Variants in GINS1 observed in about 807,000 individuals in gnomAD.
The protein encoded by GINS1 is DNA replication complex GINS protein PSF1.
A neutral mutation model predicts 34.9 loss-of-function variants in GINS1; 26 were observed. That is an observed-to-expected ratio of 0.74 (90% CI 0.55 to 1.03). GINS1 has a LOEUF of 1.03. Ranked by LOEUF, GINS1 falls within the 50% of genes least tolerant of loss-of-function variation. The pLI is 0.00. For missense variants in GINS1, 235 were observed against 237.9 expected (o/e 0.99, Z 0.08); for synonymous variants, 97 against 84.4 (o/e 1.15, Z -0.82).
rs757877116 is a variant in GINS1, at chr20:25,418,173, G to A, written c.308G>A (p.Arg103Gln). The change falls in exon 4 of 7, where the codon CGA (arginine) becomes CAA (glutamine). Residue 103 changes from arginine to glutamine, a missense_variant. Physicochemically the swap from Arg to Gln is conservative, Grantham distance 43 (BLOSUM62 1). Coordinates refer to ENST00000262460, the MANE Select transcript of GINS1 (RefSeq NM_021067.5). ...EYGSVLPNAL[R>Q]FHMAAEEMEW... is the part of the protein sequence containing the mutation. The stretch of plus-strand genomic sequence containing the variant: ...GGTAGCGTCTTGCCAAATGCATTAC[G>A]ATTTCACATGGCTGCTGAAGAAGTG... 32 of 1,585,258 alleles carry A rather than the reference G, an allele frequency of 2.0e-5. No individual in the cohort carries two copies. The East Asian group carries it at 2.7e-4, about 13-fold the overall frequency.
chr20:25,414,701 T>G (rs1156463995), intron 2 of GINS1, among the ~76,000 whole-genome samples: 1 of 152,106 alleles, frequency 6.6e-6, no homozygotes, highest in Non-Finnish European at 1.5e-5. Context: ...TCTCCATCTT[T>G]AAAAATAATA....
chr20:25,413,518 A>G, intron 1 of GINS1: 1 of 384,038 alleles, frequency 2.6e-6, no homozygotes, highest in East Asian at 4.2e-5. Flanking sequence ...AAAATTACTG[A>G]GTCATATGGT....
intron 2 of GINS1, among the ~76,000 whole-genome samples, 190 bp downstream of exon 2, chr20:25,414,044 AC>A (rs977316838): frequency 2.6e-5 from 4 of 151,528 alleles, no homozygotes; most frequent in African/African-American, 7.3e-5. Flanking sequence ...ACAAAAATTA[AC>A]CGGGTGTGGT....
chr20:25,444,310 G>T (rs1040201088), intron 6 of GINS1, among the ~76,000 whole-genome samples: 1 of 152,106 alleles, frequency 6.6e-6, no homozygotes, highest in Non-Finnish European at 1.5e-5. Flanking sequence ...ACTGCGCCTG[G>T]CTGGGAAACA....
chr20:25,417,167 T>A lies in GINS1; in HGVS notation c.204T>A (p.Ser68=), dbSNP rs765144655. 3 of 1,598,832 alleles carry A rather than the reference T, an allele frequency of 1.9e-6. No individual in the cohort carries two copies. Among genetic ancestry groups the A allele is most frequent in the African/African-American group, 1.3e-5 (1 of 74,630 alleles). ...LIPTIKFRHC[S]LLRNRRCTVA... ...CAACTATCAAATTTCGACACTGTTC[T>A]CTGTTAAGAAATCGACGCTGCACTG... The change falls in exon 3 of 7, where the codon TCT becomes TCA. Residue 68 remains serine (S), a synonymous_variant. Transcript: ENST00000262460.
intron 4 of GINS1, 128 bp downstream of exon 4, chr20:25,418,323 A>T: frequency 1.5e-6 from 1 of 668,802 alleles, no homozygotes; most frequent in Non-Finnish European, 2.7e-6. Flanking sequence ...TTTGGCTGGT[A>T]TTTAGTATAT....
At chr20:25,416,785 C>T (rs772764305) in intron 2 of GINS1, among the ~76,000 whole-genome samples, 7 of 152,206 alleles carry the variant, frequency 4.6e-5, no homozygotes, top group African/African-American at 1.2e-4. Flanking sequence ...CTTATCTCAG[C>T]GTGATAATGG....
At chr20:25,438,827 C>T (rs1005155188) in intron 5 of GINS1, among the ~76,000 whole-genome samples, 7 of 152,058 alleles carry the variant, frequency 4.6e-5, no homozygotes, top group African/African-American at 1.7e-4. Flanking sequence ...TCTTGCCTCT[C>T]CCTCCCAAAG....
At chr20:25,410,904 G>A (rs893379721) in intron 1 of GINS1, among the ~76,000 whole-genome samples, 23 of 152,110 alleles carry the variant, frequency 1.5e-4, no homozygotes, top group Admixed American at 1.5e-3. Context: ...ATGGTTAAGC[G>A]CTGTGTTCAG....
At position 25,407,789 on chromosome 20, in the gene GINS1, T is replaced by A. The variant is rs1568793973; in HGVS notation, c.-32T>A. The A allele has an allele frequency of 6.3e-7, 1 of 1,591,082 alleles. No homozygotes were observed. ...CCATTTTGGCGTGAGAGCTGGTGGT[T>A]GGCAAGGCCGCGGGAGTGGGAAGCG... is the stretch of plus-strand genomic sequence containing the variant. On this transcript the variant is annotated 5_prime_UTR_variant, in exon 1 of 7. Coordinates refer to ENST00000262460, the MANE Select transcript of GINS1 (RefSeq NM_021067.5).
chr20:25,423,969 A>G (rs1426352422), intron 4 of GINS1, among the ~76,000 whole-genome samples: 1 of 152,134 alleles, frequency 6.6e-6, no homozygotes. Flanking sequence ...AGAGATCTAC[A>G]GTATTGGGAT....
chr20:25,427,101 C>T (rs1368146117), intron 5 of GINS1, among the ~76,000 whole-genome samples: 1 of 152,128 alleles, frequency 6.6e-6, no homozygotes, highest in East Asian at 1.9e-4. Context: ...TACCATTTTA[C>T]ATTCCAACAT....
chr20:25,417,133 A>G lies in GINS1; in HGVS notation c.170A>G (p.Asp57Gly). The G allele has an allele frequency of 6.3e-7, 1 of 1,588,274 alleles. No homozygotes were observed. The highest frequency in any genetic ancestry group is 1.1e-5 in the South Asian group (1 of 90,280). The change falls in exon 3 of 7, where the codon GAT becomes GGT. Residue 57 changes from aspartate to glycine, a missense_variant. Transcript: ENST00000262460. ...VNEAKSGGRS[D>G]LIPTIKFRHC... ...GAAGCAAAGTCAGGTGGACGAAGTGATTTGATACCAACTATCAAATTTCGA... is the reference window on the plus strand; with the variant it reads ...GAAGCAAAGTCAGGTGGACGAAGTGGTTTGATACCAACTATCAAATTTCGA...
chr20:25,424,185 A>G (rs569021811), intron 4 of GINS1, among the ~76,000 whole-genome samples: 1 of 152,288 alleles, frequency 6.6e-6, no homozygotes. Context: ...TCTTATACCA[A>G]TTCCACTGTT....
chr20:25,430,204 C>T (rs1255749040), intron 5 of GINS1, among the ~76,000 whole-genome samples: 4 of 152,208 alleles, frequency 2.6e-5, no homozygotes, highest in Non-Finnish European at 5.9e-5. Flanking sequence ...AGCCACCGTG[C>T]CTGGCCAGCT....
chr20:25,435,764 CAAAAAAA>C (rs1220652491), intron 5 of GINS1, among the ~76,000 whole-genome samples: 1 of 60,766 alleles, frequency 1.6e-5, no homozygotes, highest in African/African-American at 6.9e-5. Context: ...GATTCCGTCT[CAAAAAAA>C]AAAAAAAAAA....
chr20:25,435,774 AAAAAAAAAAAAAAAC>A (rs1201904232), intron 5 of GINS1, among the ~76,000 whole-genome samples: 9 of 122,492 alleles, frequency 7.3e-5, no homozygotes, highest in Non-Finnish European at 1.3e-4. Flanking sequence ...CAAAAAAAAA[AAAAAAAAAAAAAAAC>A]CAACTTTTTG....
In GINS1 at chr20:25,448,122, C is replaced by CTCTA. The variant is rs1370195943; in HGVS notation, c.*2135_*2138dup. On this transcript the variant is annotated 3_prime_UTR_variant, in exon 7 of 7. Coordinates refer to ENST00000262460, the MANE Select transcript of GINS1 (RefSeq NM_021067.5). ...CTCCAGCCTGGGTGACAAAGTGAGA[C>CTCTA]TCTATCTCAAAAAGAAATTAGGATC... is the stretch of plus-strand genomic sequence containing the variant. 6.6e-6 allele frequency: 1 copy of CTCTA among 152,154 alleles called. No individual in the cohort carries two copies. Among genetic ancestry groups the CTCTA allele is most frequent in the Non-Finnish European group, 1.5e-5 (1 of 68,044 alleles). The allele number at this position is 152,154 out of a possible 1,614,324, so 9.4% of individuals were successfully genotyped here.
At chr20:25,429,232 C>T (rs145374506) in intron 5 of GINS1, among the ~76,000 whole-genome samples, 3,350 of 152,064 alleles carry the variant, frequency 0.022, 45 homozygotes, top group Non-Finnish European at 0.035. Flanking sequence ...TCAGGTGATC[C>T]GCCCACCTCA....
Sources: allele counts gnomAD v4.1 joint callset (sites outside exome capture counted in the v4.1 genomes callset), GRCh38; gene constraint gnomAD v4.1.1; transcripts MANE v1.5; gene names NCBI Gene and HGNC (gene_info 2026-07-23, HGNC 2026-07-21).